The following SOHLH2 variants were observed in gnomAD, a reference collection of about 807,000 sequenced individuals.
SOHLH2 encodes spermatogenesis and oogenesis specific basic helix-loop-helix 2.
Under a neutral mutation model 50.4 loss-of-function variants are expected in SOHLH2, and 22 were observed. The observed-to-expected ratio is 0.44, with a 90% confidence interval of 0.31 to 0.62. The LOEUF is 0.62. Among genes scored for constraint, SOHLH2 ranks in the 20% least tolerant of loss-of-function variants. The probability of loss-of-function intolerance (pLI) is 0.08; values close to 1 mark genes in which losing one functional copy is unlikely to be tolerated. For missense variants in SOHLH2, 412 were observed against 504.4 expected, an observed-to-expected ratio of 0.82 and a Z score of 1.76; for synonymous variants, 185 against 187.3, an observed-to-expected ratio of 0.99 and a Z score of 0.10.
intron 1 of SOHLH2, among the ~76,000 whole-genome samples, chr13:36,207,637 C>G (rs1470736833): frequency 6.6e-6 from 1 of 152,068 alleles, no homozygotes; most frequent in Non-Finnish European, 1.5e-5. Context: ...TGAATTTCAC[C>G]AATTTTTCCA....
intron 1 of SOHLH2, among the ~76,000 whole-genome samples, chr13:36,204,949 A>T (rs1434251919): frequency 6.6e-6 from 1 of 152,162 alleles, no homozygotes; most frequent in Non-Finnish European, 1.5e-5. Flanking sequence ...ATGGACTTTC[A>T]TATCGATTTT....
chr13:36,178,777 C>CT (rs1483727675), intron 6 of SOHLH2, among the ~76,000 whole-genome samples: 1 of 147,752 alleles, frequency 6.8e-6, no homozygotes, highest in African/African-American at 2.5e-5. Context: ...TTTTATTTAA[C>CT]TTTTCATAGT....
In SOHLH2 at chr13:36,192,622, T is replaced by C. The variant is rs1425489528; in HGVS notation, c.431-728A>G. Among the ~76,000 whole-genome samples the C allele has an allele frequency of 2.0e-5, 3 of 152,272 alleles. No individual in the cohort carries two copies. In the East Asian group the frequency reaches 5.8e-4, roughly 29 times the overall value. ...GGCCCATTTTAAGAAAAAATCATCT[T>C]AATTTTGCCAGCTTTATTAAAGTAT... is the stretch of plus-strand genomic sequence containing the variant. On this transcript the variant is annotated intron_variant, in intron 4 of 10. Coordinates refer to ENST00000379881, the MANE Select transcript of SOHLH2 (RefSeq NM_017826.3).
Position 36,170,642 on chromosome 13 carries a change from A to G in SOHLH2, c.1146T>C (p.Asn382=), listed in dbSNP as rs758687149. ...TPSYDATAVT[N]QNISIHLPSA... is the part of the protein sequence containing the mutation. ...AAGGTAAATGAATTGAAATGTTCTG[A>G]TTTGTTACAGCAGTTGCATCGTAGG... The change falls in exon 10 of 11, where the codon AAT becomes AAC. Residue 382 remains asparagine (N), a synonymous_variant. Transcript: ENST00000379881. The G allele has an allele frequency of 6.2e-7, 1 of 1,614,142 alleles. No individual in the cohort carries two copies. Among genetic ancestry groups the G allele is most frequent in the African/African-American group, 1.3e-5 (1 of 75,034 alleles).
At chr13:36,177,451 T>C (rs1887123692) in intron 6 of SOHLH2, among the ~76,000 whole-genome samples, 1 of 152,128 alleles carries the variant, frequency 6.6e-6, no homozygotes, top group African/African-American at 2.4e-5. Flanking sequence ...ATAGAAATGA[T>C]GGGCCATTTT....
chr13:36,198,709 T>C (rs1006850396), intron 2 of SOHLH2, among the ~76,000 whole-genome samples: 2 of 152,232 alleles, frequency 1.3e-5, no homozygotes, highest in African/African-American at 4.8e-5. Context: ...AAGAATCTTT[T>C]AAGGAAGCTG....
chr13:36,184,185 T>C (rs1204196664), intron 6 of SOHLH2, among the ~76,000 whole-genome samples: 1 of 152,082 alleles, frequency 6.6e-6, no homozygotes, highest in Non-Finnish European at 1.5e-5. Flanking sequence ...ATAATTAAAT[T>C]ATAAATCAAT....
rs1470719146 is a variant in SOHLH2, at chr13:36,168,997, G to C, written c.*37C>G. 2 of 1,597,780 alleles carry C rather than the reference G, an allele frequency of 1.3e-6. No homozygotes were observed. The highest frequency in any genetic ancestry group is 1.7e-6 in the Non-Finnish European group (2 of 1,174,664). ...TTCCTAGATTGTCAAACTGCGCCCA[G>C]TAGGTGGTTGAGAGTGTGAATTTCA... On this transcript the variant is annotated 3_prime_UTR_variant, in exon 11 of 11. Coordinates refer to ENST00000379881, the MANE Select transcript of SOHLH2 (RefSeq NM_017826.3).
intron 2 of SOHLH2, among the ~76,000 whole-genome samples, chr13:36,200,433 C>G (rs1887864517): frequency 6.6e-6 from 1 of 152,154 alleles, no homozygotes. Flanking sequence ...CTGTCTGTCT[C>G]TCTGTTTAAT....
At chr13:36,214,028 T>C (rs1220281517) in intron 1 of SOHLH2, among the ~76,000 whole-genome samples, 2 of 151,276 alleles carry the variant, frequency 1.3e-5, no homozygotes, top group African/African-American at 4.9e-5. Flanking sequence ...TGGGGAAACG[T>C]CAAGGGCTAA....
intron 6 of SOHLH2, among the ~76,000 whole-genome samples, chr13:36,179,939 C>T (rs536856106): frequency 1.1e-4 from 16 of 152,244 alleles, no homozygotes; most frequent in Admixed American, 3.3e-4. Flanking sequence ...AGGAAGTATT[C>T]CCTCCTCCCA....
rs1417402347 is a variant in SOHLH2 at position 36,174,835 on chromosome 13, T to C, written c.676A>G (p.Thr226Ala). The C allele has an allele frequency of 1.0e-5, 16 of 1,597,982 alleles. No homozygotes were observed. Among genetic ancestry groups the C allele is most frequent in the African/African-American group, 1.4e-5 (1 of 73,734 alleles). The change falls in exon 7 of 11, where the codon ACT becomes GCT. Residue 226 changes from threonine to alanine, a missense_variant. Physicochemically the swap from Thr to Ala is moderately conservative, Grantham distance 58. Transcript: ENST00000379881. ...RIKYCCEQLR[T>A]LLPYVKGRKN... ...CTCCCTTTTACATACGGCAAGAGAGTACGCAGCTGCTCACAGCAATATTTG... is the reference window on the plus strand; with the variant it reads ...CTCCCTTTTACATACGGCAAGAGAGCACGCAGCTGCTCACAGCAATATTTG...
intron 6 of SOHLH2, among the ~76,000 whole-genome samples, chr13:36,177,773 A>AT (rs1337645673): frequency 2.6e-5 from 4 of 151,878 alleles, no homozygotes; most frequent in African/African-American, 9.7e-5. Context: ...AGGTCTTTTT[A>AT]TTTTTTAGTT....
Position 36,171,543 on chromosome 13 carries a change from A to G in SOHLH2, c.1001-756T>C, listed in dbSNP as rs562857281. The stretch of plus-strand genomic sequence containing the variant: ...TGCAACTTCTCTGATCCTCTTTCCA[A>G]AACAATTTGGCAACATGCATTAAGA... On this transcript the variant is annotated intron_variant, in intron 9 of 10. Transcript: ENST00000379881. Among the ~76,000 whole-genome samples the G allele has an allele frequency of 5.9e-5, 9 of 152,286 alleles. No homozygotes were observed. The South Asian group carries it at 1.9e-3, about 32-fold the overall frequency.
chr13:36,184,535 C>T (rs1887356798), intron 6 of SOHLH2, among the ~76,000 whole-genome samples: 1 of 145,554 alleles, frequency 6.9e-6, no homozygotes, highest in African/African-American at 2.6e-5. Flanking sequence ...TCTCGGCTCA[C>T]TGCAAGCTCC....
At chr13:36,177,969 C>T (rs990725078) in intron 6 of SOHLH2, among the ~76,000 whole-genome samples, 2 of 151,836 alleles carry the variant, frequency 1.3e-5, no homozygotes, top group Non-Finnish European at 2.9e-5. Flanking sequence ...TATGTCCTGT[C>T]TAAAGAACAT....
Position 36,168,765 on chromosome 13 carries a change from T to G in SOHLH2, c.*269A>C. 2.2e-6 allele frequency: 1 copy of G among 458,034 alleles called. No individual in the cohort carries two copies. The highest frequency in any genetic ancestry group is 3.4e-5 in the East Asian group (1 of 29,114). The allele number at this position is 458,034 out of a possible 1,614,324, so 28.4% of individuals were successfully genotyped here. ...ATTTTTTGAGAAAAGAGAGTGTAGG[T>G]CACTGAGGCCATTTGTTCTTGTAGC... On this transcript the variant is annotated 3_prime_UTR_variant, in exon 11 of 11. Coordinates refer to ENST00000379881, the MANE Select transcript of SOHLH2 (RefSeq NM_017826.3).
At chr13:36,176,024 C>G (rs1887088373) in intron 6 of SOHLH2, among the ~76,000 whole-genome samples, 2 of 152,126 alleles carry the variant, frequency 1.3e-5, no homozygotes, top group South Asian at 4.1e-4. Flanking sequence ...TAGAAAACAA[C>G]ACATAACATA....
intron 2 of SOHLH2, among the ~76,000 whole-genome samples, chr13:36,197,061 C>T (rs1259817420): frequency 6.6e-6 from 1 of 152,100 alleles, no homozygotes; most frequent in East Asian, 1.9e-4. Flanking sequence ...AAAAACAAAC[C>T]AAAATAAAAA....
Sources: allele counts gnomAD v4.1 joint callset (sites outside exome capture counted in the v4.1 genomes callset), GRCh38; gene constraint gnomAD v4.1.1; transcripts MANE v1.5; gene names NCBI Gene and HGNC (gene_info 2026-07-23, HGNC 2026-07-21).